HS3ST4: variants seen among roughly 807,000 people sequenced by gnomAD.
HS3ST4 encodes the protein heparan sulfate glucosamine 3-O-sulfotransferase 4.
HS3ST4 carries 17 observed loss-of-function variants against 29.2 expected under a neutral mutation model. The observed-to-expected ratio is 0.58, with a 90% CI of 0.40 to 0.87. The LOEUF (loss-of-function observed/expected upper bound fraction) is 0.87, where lower values mean the gene tolerates loss of function less well. HS3ST4 is among the 40% of genes least tolerant of loss of function. The pLI is 0.00. For missense variants in HS3ST4, 627 were observed against 634.5 expected (o/e 0.99, Z 0.13); for synonymous variants, 314 against 285.7 (o/e 1.10, Z -1.00).
chr16:25,936,591 TA>T (rs1968519010), intron 1 of HS3ST4, among the ~76,000 whole-genome samples: 1 of 152,166 alleles, frequency 6.6e-6, no homozygotes, highest in Non-Finnish European at 1.5e-5. Context: ...ATAAAGATCA[TA>T]AAAAAAGGTT....
chr16:26,045,514 A>T (rs1177660691), intron 1 of HS3ST4, among the ~76,000 whole-genome samples: 1 of 152,146 alleles, frequency 6.6e-6, no homozygotes, highest in African/African-American at 2.4e-5. Context: ...AGTACATAAG[A>T]AGGCAGAAAA....
At chr16:25,767,829 T>C (rs975481429) in intron 1 of HS3ST4, among the ~76,000 whole-genome samples, 1 of 152,140 alleles carries the variant, frequency 6.6e-6, no homozygotes, top group African/African-American at 2.4e-5. Context: ...AGCTAGTGAG[T>C]GCCAAAGCTG....
intron 1 of HS3ST4, among the ~76,000 whole-genome samples, chr16:25,895,253 T>C (rs1968048640): frequency 6.6e-6 from 1 of 151,882 alleles, no homozygotes; most frequent in African/African-American, 2.4e-5. Context: ...GTGATGTGAG[T>C]TAATGTATGA....
chr16:26,119,645 T>G (rs987572891), intron 1 of HS3ST4, among the ~76,000 whole-genome samples: 7 of 152,158 alleles, frequency 4.6e-5, no homozygotes, highest in Admixed American at 4.6e-4. Context: ...TTTGGGCACA[T>G]TTTTCTTTCA....
At chr16:25,761,754 C>T (rs1000825450) in intron 1 of HS3ST4, among the ~76,000 whole-genome samples, 3 of 152,170 alleles carry the variant, frequency 2.0e-5, no homozygotes, top group Non-Finnish European at 4.4e-5. Context: ...TATTGTGCCC[C>T]ACGGGCATAA....
intron 1 of HS3ST4, among the ~76,000 whole-genome samples, chr16:26,071,136 A>G (rs1395708668): frequency 1.3e-5 from 2 of 151,536 alleles, no homozygotes; most frequent in African/African-American, 4.8e-5. Flanking sequence ...TTAATTATGC[A>G]TGAAGCCCTA....
chr16:26,058,506 G>T (rs994083597), intron 1 of HS3ST4, among the ~76,000 whole-genome samples: 1 of 152,180 alleles, frequency 6.6e-6, no homozygotes, highest in East Asian at 1.9e-4. Context: ...ACAGCAGGAG[G>T]TGAACGGCTC....
At chr16:25,976,989 C>T (rs948332001) in intron 1 of HS3ST4, among the ~76,000 whole-genome samples, 1 of 152,062 alleles carries the variant, frequency 6.6e-6, no homozygotes, top group Non-Finnish European at 1.5e-5. Context: ...TAAAAACCAC[C>T]CTGAGTCCAC....
chr16:25,874,037 G>A (rs1011174115), intron 1 of HS3ST4, among the ~76,000 whole-genome samples: 6 of 152,028 alleles, frequency 3.9e-5, no homozygotes, highest in Non-Finnish European at 5.9e-5. Context: ...CGCACCTCAC[G>A]CTTTCCTCTT....
chr16:25,846,180 G>A lies in HS3ST4; in HGVS notation c.734+153029G>A, dbSNP rs1388787294. ...CCAGTGGCATCTGTCCTTTTTATCA[G>A]AAAGCTAAAGCATTCCCAGAAGCTG... On this transcript the variant is annotated intron_variant, in intron 1 of 1. Transcript: ENST00000331351. Among the ~76,000 whole-genome samples the A allele has an allele frequency of 2.0e-5, 3 of 152,144 alleles. No homozygotes were observed. The East Asian group carries it at 5.8e-4, about 29-fold the overall frequency.
Position 26,136,543 on chromosome 16 carries a change from T to A in HS3ST4, c.*295T>A. ...GTTAATATAGCCTGAAGACAGAGGA[T>A]AAATAGTTGTCAATGTCAGAGACAG... On this transcript the variant is annotated 3_prime_UTR_variant, in exon 2 of 2. Coordinates refer to ENST00000331351, the MANE Select transcript of HS3ST4 (RefSeq NM_006040.3). The A allele has an allele frequency of 2.3e-6, 1 of 437,558 alleles. No homozygotes were observed. Among genetic ancestry groups the A allele is most frequent in the Non-Finnish European group, 4.1e-6 (1 of 242,750 alleles). 27.1% of individuals were successfully genotyped at this position (437,558 alleles called of 1,614,324 possible). A position where few individuals can be genotyped will look rare whatever the true frequency, so the allele number is the denominator to read the frequency against.
chr16:26,049,041 G>A (rs552645990), intron 1 of HS3ST4, among the ~76,000 whole-genome samples: 4 of 152,018 alleles, frequency 2.6e-5, no homozygotes, highest in African/African-American at 7.2e-5. Context: ...CTACTCTTTT[G>A]TTTTCACCTT....
chr16:25,957,743 A>G (rs904275319), intron 1 of HS3ST4, among the ~76,000 whole-genome samples: 7 of 152,154 alleles, frequency 4.6e-5, no homozygotes, highest in Non-Finnish European at 1.0e-4. Flanking sequence ...TAATGCATGC[A>G]CTTTAAATCA....
chr16:25,923,868 G>A (rs752714041), intron 1 of HS3ST4, among the ~76,000 whole-genome samples: 8 of 152,146 alleles, frequency 5.3e-5, no homozygotes, highest in African/African-American at 1.2e-4. Context: ...TCATGCTTAA[G>A]TGGATCCCAT....
chr16:25,929,122 G>A (rs909972306), intron 1 of HS3ST4, among the ~76,000 whole-genome samples: 6 of 152,170 alleles, frequency 3.9e-5, no homozygotes, highest in African/African-American at 7.2e-5. Flanking sequence ...GGGGGCTCAC[G>A]CCTATAATCC....
intron 1 of HS3ST4, among the ~76,000 whole-genome samples, chr16:26,049,788 C>T (rs577872222): frequency 7.1e-4 from 108 of 152,254 alleles, no homozygotes; most frequent in African/African-American, 2.5e-3. Flanking sequence ...ACAACCCCCT[C>T]CTTTAAGTTT....
At chr16:26,120,616 A>G (rs73525804) in intron 1 of HS3ST4, among the ~76,000 whole-genome samples, 7 of 152,210 alleles carry the variant, frequency 4.6e-5, no homozygotes, top group Admixed American at 1.3e-4. Flanking sequence ...CTCGCTCTTC[A>G]CAGGAACACT....
intron 1 of HS3ST4, among the ~76,000 whole-genome samples, chr16:26,109,129 A>C (rs1899094462): frequency 6.6e-6 from 1 of 152,124 alleles, no homozygotes. Flanking sequence ...CGTTCAATGC[A>C]CTCTCCGGCA....
intron 1 of HS3ST4, among the ~76,000 whole-genome samples, chr16:25,962,221 GT>G (rs886202214): frequency 3.3e-5 from 5 of 152,062 alleles, no homozygotes; most frequent in Non-Finnish European, 5.9e-5. Context: ...GAAAAGGAGG[GT>G]TTTTTTCTCG....
Sources: allele counts gnomAD v4.1 joint callset (sites outside exome capture counted in the v4.1 genomes callset), GRCh38; gene constraint gnomAD v4.1.1; transcripts MANE v1.5; gene names NCBI Gene and HGNC (gene_info 2026-07-23, HGNC 2026-07-21).